PHACTR2: variants seen among roughly 807,000 people sequenced by gnomAD.
PHACTR2 encodes the protein chromosome 6 open reading frame 56.
PHACTR2 carries 30 observed loss-of-function variants against 76.0 expected under a neutral mutation model. The observed-to-expected ratio is 0.39, with a 90% CI of 0.30 to 0.54. The LOEUF (loss-of-function observed/expected upper bound fraction) is 0.54, where lower values mean the gene tolerates loss of function less well. PHACTR2 is among the 20% of genes least tolerant of loss of function. The probability of loss-of-function intolerance (pLI) is 0.61; values close to 1 mark genes in which losing one functional copy is unlikely to be tolerated. For synonymous variants in PHACTR2, 292 were observed against 292.5 expected (o/e 1.00, Z 0.02); for missense variants, 696 against 781.1 (o/e 0.89, Z 1.30).
chr6:143,758,426 C>T (rs1779355777), intron 4 of PHACTR2, among the ~76,000 whole-genome samples: 1 of 152,152 alleles, frequency 6.6e-6, no homozygotes, highest in African/African-American at 2.4e-5. Flanking sequence ...AAAGAATAGA[C>T]TTCAACCATA....
At chr6:143,628,697 G>C (rs1322885005) in intron 1 of PHACTR2, among the ~76,000 whole-genome samples, 2 of 151,718 alleles carry the variant, frequency 1.3e-5, no homozygotes, top group Admixed American at 6.6e-5. Flanking sequence ...GCCATATAAG[G>C]TACCATTTAT....
rs1162953534 is a variant in PHACTR2 at position 143,548,221 on chromosome 6, A to G, written c.217+11014A>G. Among the ~76,000 whole-genome samples, 1 of 152,174 alleles carries G rather than the reference A, an allele frequency of 6.6e-6. No individual in the cohort carries two copies. Among genetic ancestry groups the G allele is most frequent in the African/African-American group, 2.4e-5 (1 of 41,436 alleles). On this transcript the variant is annotated intron_variant, in intron 1 of 11. Coordinates refer to the PHACTR2 transcript ENST00000367584. The surrounding 1 kb of genome is among the most constrained non-coding windows in gnomAD (Gnocchi z 4.5). ...GGAAGAAAGCTCTCTGTGAGCTCCT[A>G]TAATGACACTAATTTCATTCATGAA...
Position 143,537,243 on chromosome 6 carries a change from G to A in PHACTR2, c.217+36G>A. ...CTCGGGGCGCGGGCCGGGGAGGGCC[G>A]GCCGCGGGCAGGTGGCCGCGAGGGC... On this transcript the variant is annotated intron_variant, in intron 1 of 11. Coordinates refer to the PHACTR2 transcript ENST00000367584. The surrounding 1 kb of genome is among the most constrained non-coding windows in gnomAD (Gnocchi z 4.4). The A allele has an allele frequency of 5.1e-6, 1 of 196,040 alleles. No individual in the cohort carries two copies. The highest frequency in any genetic ancestry group is 1.0e-5 in the Non-Finnish European group (1 of 98,122). The allele number at this position is 196,040 out of a possible 1,614,324, so 12.1% of individuals were successfully genotyped here.
At position 143,689,168 on chromosome 6, in the gene PHACTR2, C is replaced by T. The variant is rs559059497; in HGVS notation, c.46+10959C>T. ...ATCCTTGTGCTTCATAGAGACCTTC[C>T]CTGCCTACCCCTCTCCAGAATAACC... is the stretch of plus-strand genomic sequence containing the variant. On this transcript the variant is annotated intron_variant, in intron 1 of 12. Transcript: ENST00000440869. The surrounding 1 kb of genome is among the most constrained non-coding windows in gnomAD (Gnocchi z 4.4). Among the ~76,000 whole-genome samples, 1 of 152,182 alleles carries T rather than the reference C, an allele frequency of 6.6e-6. No homozygotes were observed. The highest frequency in any genetic ancestry group is 2.4e-5 in the African/African-American group (1 of 41,434).
intron 2 of PHACTR2, among the ~76,000 whole-genome samples, chr6:143,721,159 C>T (rs569060681): frequency 6.7e-4 from 102 of 152,244 alleles, no homozygotes; most frequent in African/African-American, 1.9e-3. Context: ...TTCTGGTGGA[C>T]ACAGTATCAA....
At position 143,585,349 on chromosome 6, in the gene PHACTR2, G is replaced by A. The variant is rs1325854550; in HGVS notation, c.217+48142G>A. Among the ~76,000 whole-genome samples, 3 of 152,234 alleles carry A rather than the reference G, an allele frequency of 2.0e-5. No individual in the cohort carries two copies. The South Asian group carries it at 6.2e-4, about 31-fold the overall frequency. ...AGCTACCAGGAAGAGGCTGGAAGCA[G>A]AATTCCAGTCTTCAGGGAAAGAATG... On this transcript the variant is annotated intron_variant, in intron 1 of 11. Coordinates refer to the PHACTR2 transcript ENST00000367584. The surrounding 1 kb of genome is among the most constrained non-coding windows in gnomAD (Gnocchi z 5.2).
rs1582826913 is a variant in PHACTR2 at position 143,738,222 on chromosome 6, G to T, written c.215-10763G>T. Among the ~76,000 whole-genome samples, 1 of 152,192 alleles carries T rather than the reference G, an allele frequency of 6.6e-6. No individual in the cohort carries two copies. Among genetic ancestry groups the T allele is most frequent in the African/African-American group, 2.4e-5 (1 of 41,526 alleles). ...GTCAGGAGTTCGAAACCAGTGGGGG[G>T]CGCCTGTAATCCCAGCTACTCAGGA... On this transcript the variant is annotated intron_variant, in intron 2 of 12. Coordinates refer to ENST00000440869, the MANE Select transcript of PHACTR2 (RefSeq NM_001100164.2). This position sits in a 1 kb window ranked among gnomAD's most constrained non-coding sequence, Gnocchi z 4.0.
rs1200320695 is a variant in PHACTR2, at chr6:143,546,689, C to T, written c.217+9482C>T. ...CATTATAAATCTTTGATTTTTACTC[C>T]AGATGTTTGGAGAACAAGACAGAAA... On this transcript the variant is annotated intron_variant, in intron 1 of 11. Transcript: ENST00000367584. This position sits in a 1 kb window ranked among gnomAD's most constrained non-coding sequence, Gnocchi z 4.9. Among the ~76,000 whole-genome samples the T allele has an allele frequency of 1.3e-5, 2 of 151,916 alleles. No individual in the cohort carries two copies. The highest frequency in any genetic ancestry group is 6.6e-5 in the Admixed American group (1 of 15,244).
intron 1 of PHACTR2, among the ~76,000 whole-genome samples, chr6:143,645,336 C>T (rs753564399): frequency 1.3e-4 from 20 of 151,896 alleles, no homozygotes; most frequent in Non-Finnish European, 7.4e-5. Context: ...GAATACTACT[C>T]AGCCATGAAA....
rs868564213 is a variant in PHACTR2 at position 143,591,800 on chromosome 6, C to T, written c.217+54593C>T. 2.0e-4 allele frequency among the ~76,000 whole-genome samples: 31 copies of T among 152,334 alleles called. No homozygotes were observed. Among genetic ancestry groups the T allele is most frequent in the Middle Eastern group, 3.4e-3 (1 of 294 alleles). ...CCCAGGGTAGGGAATGTGGAGCCAC[C>T]TGGAACCCAGACATCCTTTCCTATG... On this transcript the variant is annotated intron_variant, in intron 1 of 11. Transcript: ENST00000367584. This position sits in a 1 kb window ranked among gnomAD's most constrained non-coding sequence, Gnocchi z 6.4.
chr6:143,763,676 C>T (rs1779489073), intron 5 of PHACTR2, among the ~76,000 whole-genome samples: 1 of 152,200 alleles, frequency 6.6e-6, no homozygotes, highest in Non-Finnish European at 1.5e-5. Context: ...GAACCTGTCA[C>T]TAAATAAGAC....
Position 143,550,713 on chromosome 6 carries a change from T to C in PHACTR2, c.217+13506T>C, listed in dbSNP as rs1232369372. On this transcript the variant is annotated intron_variant, in intron 1 of 11. Coordinates refer to the PHACTR2 transcript ENST00000367584. The surrounding 1 kb of genome is among the most constrained non-coding windows in gnomAD (Gnocchi z 4.8). ...TGTACAATTAAGAGGCGGGAATAGA[T>C]TTAAAAAAACAAACAACAACAAAAA... 1.3e-5 allele frequency among the ~76,000 whole-genome samples: 2 copies of C among 151,222 alleles called. No individual in the cohort carries two copies. The highest frequency in any genetic ancestry group is 2.9e-5 in the Non-Finnish European group (2 of 67,904).
rs189641417 is a variant in PHACTR2, at chr6:143,543,951, G to A, written c.217+6744G>A. 7.2e-5 allele frequency among the ~76,000 whole-genome samples: 11 copies of A among 152,312 alleles called. No individual in the cohort carries two copies. The East Asian group carries it at 2.1e-3, about 29-fold the overall frequency. On this transcript the variant is annotated intron_variant, in intron 1 of 11. Coordinates refer to the PHACTR2 transcript ENST00000367584. This position sits in a 1 kb window ranked among gnomAD's most constrained non-coding sequence, Gnocchi z 4.7. ...AGAAAACAATACCGCAAAGCGTGGT[G>A]CTTTGATGTGCTGAGTATTTCTAAC... is the stretch of plus-strand genomic sequence containing the variant.
chr6:143,721,144 G>A (rs936088013), intron 2 of PHACTR2, among the ~76,000 whole-genome samples: 1 of 152,190 alleles, frequency 6.6e-6, no homozygotes, highest in East Asian at 1.9e-4. Flanking sequence ...GCATATGTTG[G>A]TGTTTTCTGG....
At chr6:143,814,595 C>CTTTTTTTT (rs61652528) in intron 12 of PHACTR2, among the ~76,000 whole-genome samples, 37 of 108,416 alleles carry the variant, frequency 3.4e-4, no homozygotes, top group African/African-American at 1.4e-3. Flanking sequence ...GACATACACA[C>CTTTTTTTT]TTTTTTTTTT....
intron 4 of PHACTR2, among the ~76,000 whole-genome samples, chr6:143,756,430 T>G (rs1397813835): frequency 6.6e-6 from 1 of 152,160 alleles, no homozygotes; most frequent in Non-Finnish European, 1.5e-5. Flanking sequence ...GCGCCGTGGC[T>G]CACGCCTGTA....
At position 143,774,407 on chromosome 6, in the gene PHACTR2, G is replaced by T. The variant is rs1775226538; in HGVS notation, c.1589+192G>T. Among the ~76,000 whole-genome samples the T allele has an allele frequency of 1.3e-5, 2 of 152,150 alleles. No homozygotes were observed. Among genetic ancestry groups the T allele is most frequent in the African/African-American group, 4.8e-5 (2 of 41,430 alleles). On this transcript the variant is annotated intron_variant, in intron 8 of 12. Transcript: ENST00000440869. The surrounding 1 kb of genome is among the most constrained non-coding windows in gnomAD (Gnocchi z 5.4). ...TTTGGCCCAGCTAGCCAGTGGCTTT[G>T]AGGTCACCAAAGCCTATTCCAGGAG...
At chr6:143,582,054 C>G (rs73780461) in intron 1 of PHACTR2, among the ~76,000 whole-genome samples, 2,148 of 152,278 alleles carry the variant, frequency 0.014, 65 homozygotes, top group African/African-American at 0.048. Flanking sequence ...ACCTATCACT[C>G]TCATAAAAAT....
chr6:143,753,040 T>C lies in PHACTR2; in HGVS notation c.296-714T>C, dbSNP rs1779220661. ...ATTATGGTTTTTTAAAATTCCTTTG[T>C]GATTACTTTTTTATGTGTGTTTTTT... On this transcript the variant is annotated intron_variant, in intron 3 of 12. Coordinates refer to ENST00000440869, the MANE Select transcript of PHACTR2 (RefSeq NM_001100164.2). The surrounding 1 kb of genome is among the most constrained non-coding windows in gnomAD (Gnocchi z 4.6). Among the ~76,000 whole-genome samples the C allele has an allele frequency of 6.6e-6, 1 of 152,006 alleles. No individual in the cohort carries two copies. Among genetic ancestry groups the C allele is most frequent in the Non-Finnish European group, 1.5e-5 (1 of 67,964 alleles).
Sources: gnomAD v4.1 joint callset for allele counts (sites outside exome capture counted in the v4.1 genomes callset) on GRCh38, gnomAD v4.1.1 for gene constraint, Gnocchi (gnomAD v3.1) non-coding constraint, MANE v1.5 for transcripts, NCBI Gene and HGNC (gene_info 2026-07-23, HGNC 2026-07-21) for gene names.